The following C1QBP variants were observed in gnomAD, a reference collection of about 807,000 sequenced individuals.
C1QBP encodes complement C1q binding protein.
Under a neutral mutation model 29.4 loss-of-function variants are expected in C1QBP, and 24 were observed. The ratio of observed to expected loss-of-function variants is 0.82; its 90% CI spans 0.59 to 1.15. The LOEUF (loss-of-function observed/expected upper bound fraction) is 1.15, where lower values mean the gene tolerates loss of function less well. Among genes scored for constraint, C1QBP ranks in the 50% most tolerant of loss-of-function variants. The pLI is 0.00. For missense variants in C1QBP, 337 were observed against 355.8 expected (o/e 0.95, Z 0.43); for synonymous variants, 182 against 149.2 (o/e 1.22, Z -1.60).
chr17:5,438,111 A>T lies in C1QBP; in HGVS notation c.383+12T>A. On this transcript the variant is annotated intron_variant, in intron 2 of 5. Coordinates refer to ENST00000225698, the MANE Select transcript of C1QBP (RefSeq NM_001212.4). ...GGAGTTGCTGCCCTGGGATCCCCAGACCAGTACTTACTTTTCCCCGGCAAC... is the reference window on the plus strand; with the variant it reads ...GGAGTTGCTGCCCTGGGATCCCCAGTCCAGTACTTACTTTTCCCCGGCAAC... 1 of 1,611,578 alleles carries T rather than the reference A, an allele frequency of 6.2e-7. No individual in the cohort carries two copies. The highest frequency in any genetic ancestry group is 2.2e-5 in the East Asian group (1 of 44,868).
In C1QBP at chr17:5,432,916, GGAT is replaced by G; in HGVS notation, c.*96_*98del. ...TGGTATTTTTTCCCCCATGATATTA[GGAT>G]GATAATCATTTCAAAGCACATGTCT... is the stretch of plus-strand genomic sequence containing the variant. On this transcript the variant is annotated 3_prime_UTR_variant, in exon 6 of 6. Coordinates refer to ENST00000225698, the MANE Select transcript of C1QBP (RefSeq NM_001212.4). 7.3e-7 allele frequency: 1 copy of G among 1,372,726 alleles called. No individual in the cohort carries two copies. The highest frequency in any genetic ancestry group is 9.9e-7 in the Non-Finnish European group (1 of 1,014,584). The allele number at this position is 1,372,726 out of a possible 1,614,324, so 85.0% of individuals were successfully genotyped here.
At chr17:5,433,544 T>C (rs1916169439) in intron 4 of C1QBP, 125 bp downstream of exon 4, 17 of 1,503,004 alleles carry the variant, frequency 1.1e-5, no homozygotes, top group South Asian at 9.2e-5. Flanking sequence ...CCCACCTCTC[T>C]CCCCCTGCTG....
At chr17:5,436,855 T>A (rs565164324) in intron 2 of C1QBP, among the ~76,000 whole-genome samples, 1 of 152,088 alleles carries the variant, frequency 6.6e-6, no homozygotes, top group East Asian at 1.9e-4. Flanking sequence ...CTGTCTCTAC[T>A]AAAAATACAA....
chr17:5,434,785 TGAAAG>T, intron 3 of C1QBP, 83 bp downstream of exon 3: 1 of 1,239,506 alleles, frequency 8.1e-7, no homozygotes, highest in Non-Finnish European at 1.1e-6. Flanking sequence ...TTTTTTTTTT[TGAAAG>T]ACCAAAGAAA....
Position 5,438,154 on chromosome 17 carries a change from C to T in C1QBP, c.352G>A (p.Ala118Thr). Residue 118 changes from alanine to threonine, a missense_variant, in exon 2 of 6, where the codon GCG becomes ACG. Ala to Thr is a moderately conservative substitution (Grantham distance 58). Coordinates refer to ENST00000225698, the MANE Select transcript of C1QBP (RefSeq NM_001212.4). ...GWELELNGTE[A>T]KLVRKVAGEK... The stretch of plus-strand genomic sequence containing the variant: ...CCGGCAACTTTCCGCACTAATTTCG[C>T]TTCTGTCCCATTCAGTTCCAGCTCC... 6.2e-7 allele frequency: 1 copy of T among 1,612,798 alleles called. No homozygotes were observed. Among genetic ancestry groups the T allele is most frequent in the Non-Finnish European group, 8.5e-7 (1 of 1,180,022 alleles).
Position 5,438,953 on chromosome 17 carries a change from G to A in C1QBP, c.121C>T (p.Arg41Trp). 1.3e-6 allele frequency: 2 copies of A among 1,514,552 alleles called. No homozygotes were observed. Among genetic ancestry groups the A allele is most frequent in the Non-Finnish European group, 1.8e-6 (2 of 1,133,126 alleles). 93.8% of individuals were successfully genotyped at this position (1,514,552 alleles called of 1,614,324 possible). A position where few individuals can be genotyped will look rare whatever the true frequency, so the allele number is the denominator to read the frequency against. Residue 41 changes from arginine to tryptophan, a missense_variant, in exon 1 of 6, where the codon CGG (arginine) becomes TGG (tryptophan). Transcript: ENST00000225698. ...LLQPAPRLCT[R>W]PFGLLSVRAG... ...CGCACGCTGAGCAGCCCGAAGGGCC[G>A]GGTGCACAGCCGGGGTGCCGGCTGC...
chr17:5,435,319 CT>C (rs924305354), intron 2 of C1QBP, among the ~76,000 whole-genome samples: 1 of 152,220 alleles, frequency 6.6e-6, no homozygotes, highest in African/African-American at 2.4e-5. Context: ...CCACAGCCAG[CT>C]GACACTGCCC....
At position 5,433,688 on chromosome 17, in the gene C1QBP, C is replaced by G. The variant is rs748497469; in HGVS notation, c.557G>C (p.Cys186Ser). The G allele has an allele frequency of 1.7e-5, 28 of 1,614,084 alleles. No individual in the cohort carries two copies. The highest frequency in any genetic ancestry group is 2.7e-5 in the African/African-American group (2 of 74,940). The change falls in exon 4 of 6, where the codon TGT becomes TCT. Residue 186 changes from cysteine (C) to serine (S), a missense_variant. Physicochemically the swap from Cys to Ser is moderately radical, Grantham distance 112. Coordinates refer to ENST00000225698, the MANE Select transcript of C1QBP (RefSeq NM_001212.4). ...DDGKKALVLD[C>S]HYPEDEVGQE... ...GCATACCTCATCCTCTGGATAATGA[C>G]AGTCCAACACAAGGGCCTTCTTGCC...
At chr17:5,434,991 A>G in intron 2 of C1QBP, 25 bp from the exon 3 acceptor site, 1 of 913,176 alleles carries the variant, frequency 1.1e-6, no homozygotes, top group Non-Finnish European at 1.4e-6. Flanking sequence ...GAAAACAGAC[A>G]AGGCAAAACA....
rs1235989929 is a variant in C1QBP at position 5,432,863 on chromosome 17, T to C, written c.*152A>G. 3.0e-6 allele frequency: 3 copies of C among 993,048 alleles called. No homozygotes were observed. The highest frequency in any genetic ancestry group is 4.3e-6 in the Non-Finnish European group (3 of 705,650). The allele number at this position is 993,048 out of a possible 1,614,324, so 61.5% of individuals were successfully genotyped here. On this transcript the variant is annotated 3_prime_UTR_variant, in exon 6 of 6. Coordinates refer to ENST00000225698, the MANE Select transcript of C1QBP (RefSeq NM_001212.4). Reference sequence around the variant, plus strand: ...TTGTACAGAAAAAAATGATAATAAATGAGAACACAAAACATATAATTTAAA... The same window carrying C: ...TTGTACAGAAAAAAATGATAATAAACGAGAACACAAAACATATAATTTAAA...
Position 5,433,420 on chromosome 17 carries a change from G to C in C1QBP, c.577-5C>G. 6.2e-7 allele frequency: 1 copy of C among 1,613,432 alleles called. No homozygotes were observed. Among genetic ancestry groups the C allele is most frequent in the Non-Finnish European group, 8.5e-7 (1 of 1,179,512 alleles). On this transcript the variant is annotated splice_region_variant and splice_polypyrimidine_tract_variant and intron_variant, in intron 4 of 5. Transcript: ENST00000225698. ...AGCCTCGTCTTCTTGTCCAACCTGA[G>C]AAGAAACAATATTGGGAAACTGAAG...
intron 2 of C1QBP, 43 bp from the exon 3 acceptor site, chr17:5,435,009 C>A (rs1398774999): frequency 1.5e-6 from 2 of 1,376,976 alleles, no homozygotes; most frequent in Non-Finnish European, 2.0e-6. Flanking sequence ...ACAGACAAGG[C>A]ATGGTTTTAA....
At chr17:5,435,028 G>C in intron 2 of C1QBP, 62 bp from the exon 3 acceptor site, 1 of 1,375,276 alleles carries the variant, frequency 7.3e-7, no homozygotes, top group East Asian at 2.3e-5. Flanking sequence ...AACCGAGCAG[G>C]TTAACACATA....
Position 5,438,990 on chromosome 17 carries a change from G to C in C1QBP, c.84C>G (p.Phe28Leu), listed in dbSNP as rs979493600. The C allele has an allele frequency of 1.3e-6, 2 of 1,503,438 alleles. No individual in the cohort carries two copies. Among genetic ancestry groups the C allele is most frequent in the Admixed American group, 2.3e-5 (1 of 44,232 alleles). The allele number at this position is 1,503,438 out of a possible 1,614,324, so 93.1% of individuals were successfully genotyped here. The change falls in exon 1 of 6, where the codon TTC becomes TTG. Residue 28 changes from phenylalanine (F) to leucine (L), a missense_variant. Phe to Leu is a conservative substitution (Grantham distance 22). Transcript: ENST00000225698. ...GLRAAAPASP[F>L]RQLLQPAPRL... ...GGGGTGCCGGCTGCAGGAGCTGCCG[G>C]AAAGGCGAGGCGGGCGCGGCAGCGC...
Position 5,432,994 on chromosome 17 carries a change from G to A in C1QBP, c.*21C>T. The A allele has an allele frequency of 1.2e-6, 2 of 1,600,806 alleles. No individual in the cohort carries two copies. The highest frequency in any genetic ancestry group is 8.5e-7 in the Non-Finnish European group (1 of 1,174,812). ...TGGCCAAAGCCTGCCATGAAACTAT[G>A]GCTTTCAGCATCTGTCTGCTCTACT... is the stretch of plus-strand genomic sequence containing the variant. On this transcript the variant is annotated 3_prime_UTR_variant, in exon 6 of 6. Coordinates refer to ENST00000225698, the MANE Select transcript of C1QBP (RefSeq NM_001212.4).
At chr17:5,434,454 TTCTC>T (rs199877383) in intron 3 of C1QBP, among the ~76,000 whole-genome samples, 63 of 142,372 alleles carry the variant, frequency 4.4e-4, no homozygotes, top group African/African-American at 8.3e-4. Flanking sequence ...GCCCCTGCCA[TTCTC>T]TCTCTCTTTT....
intron 2 of C1QBP, among the ~76,000 whole-genome samples, chr17:5,437,552 C>G (rs1421192033): frequency 1.3e-5 from 2 of 152,176 alleles, no homozygotes; most frequent in South Asian, 2.1e-4. Flanking sequence ...TTCTCCTGAC[C>G]TCATGATCTG....
chr17:5,433,575 G>C, intron 4 of C1QBP, 94 bp downstream of exon 4: 1 of 1,533,302 alleles, frequency 6.5e-7, no homozygotes, highest in Non-Finnish European at 9.0e-7. Context: ...AGCTAGAAAA[G>C]TGTTTAAATT....
intron 2 of C1QBP, among the ~76,000 whole-genome samples, chr17:5,436,792 G>A (rs1916284527): frequency 6.6e-6 from 1 of 152,186 alleles, no homozygotes; most frequent in Non-Finnish European, 1.5e-5. Flanking sequence ...GGCCAAGGCG[G>A]GCGGATCACG....
Sources: gnomAD v4.1 joint callset for allele counts (sites outside exome capture counted in the v4.1 genomes callset) on GRCh38, gnomAD v4.1.1 for gene constraint, MANE v1.5 for transcripts, NCBI Gene and HGNC (gene_info 2026-07-23, HGNC 2026-07-21) for gene names.